SLC35F4: variants seen among roughly 807,000 people sequenced by gnomAD.
The protein encoded by SLC35F4 is solute carrier family 35 member F4.
Under a neutral mutation model 44.2 loss-of-function variants are expected in SLC35F4, and 24 were observed. That is an observed-to-expected ratio of 0.54 (90% CI 0.39 to 0.76). The LOEUF (loss-of-function observed/expected upper bound fraction) is 0.76. SLC35F4 is among the 30% of genes least tolerant of loss of function. The pLI, the probability that SLC35F4 is intolerant of heterozygous loss-of-function variation, is 0.00. For synonymous variants in SLC35F4, 238 were observed against 223.6 expected (o/e 1.06, Z -0.57); for missense variants, 562 against 586.1 (o/e 0.96, Z 0.42).
At chr14:57,766,969 T>A (rs914396625) in intron 1 of SLC35F4, among the ~76,000 whole-genome samples, 2 of 152,172 alleles carry the variant, frequency 1.3e-5, no homozygotes, top group Non-Finnish European at 2.9e-5. Flanking sequence ...TACACTAATA[T>A]CTAATAAAGT....
At chr14:57,630,194 C>G (rs1359046978) in intron 1 of SLC35F4, 7 of 563,148 alleles carry the variant, frequency 1.2e-5, no homozygotes. Context: ...AGATGAAAGC[C>G]AAGGAAGGGA....
At chr14:57,610,428 G>C (rs2071424181) in intron 1 of SLC35F4, among the ~76,000 whole-genome samples, 1 of 152,050 alleles carries the variant, frequency 6.6e-6, no homozygotes, top group African/African-American at 2.4e-5. Flanking sequence ...TGACTGCGCG[G>C]GGTCTGTGAA....
intron 1 of SLC35F4, among the ~76,000 whole-genome samples, chr14:57,656,710 G>C (rs1211688598): frequency 2.0e-5 from 3 of 152,068 alleles, no homozygotes; most frequent in Admixed American, 6.6e-5. Flanking sequence ...CCCATATCAA[G>C]TATACCTATA....
chr14:57,613,644 T>C (rs2071638469), intron 1 of SLC35F4, among the ~76,000 whole-genome samples: 1 of 152,220 alleles, frequency 6.6e-6, no homozygotes, highest in Admixed American at 6.5e-5. Flanking sequence ...AAGCTTCTGA[T>C]ACATAGCTTC....
chr14:57,569,685 C>G, intron 6 of SLC35F4, 103 bp downstream of exon 6: 1 of 1,263,278 alleles, frequency 7.9e-7, no homozygotes, highest in Non-Finnish European at 1.1e-6. Flanking sequence ...AGTTTGGGAA[C>G]TAGAGCACAG....
At chr14:57,978,371 A>G (rs1477880371) in intron 1 of SLC35F4, among the ~76,000 whole-genome samples, 1 of 152,186 alleles carries the variant, frequency 6.6e-6, no homozygotes, top group Non-Finnish European at 1.5e-5. Context: ...CTTCCTGCCC[A>G]CAGTGCCTAT....
intron 1 of SLC35F4, among the ~76,000 whole-genome samples, chr14:57,642,327 C>A (rs1433514491): frequency 1.3e-5 from 2 of 151,860 alleles, no homozygotes; most frequent in Non-Finnish European, 2.9e-5. Flanking sequence ...TCTTTCAGGG[C>A]TGATTTTATA....
At chr14:57,732,944 TAA>T (rs371864128) in intron 1 of SLC35F4, among the ~76,000 whole-genome samples, 15 of 152,196 alleles carry the variant, frequency 9.9e-5, no homozygotes, top group African/African-American at 3.4e-4. Context: ...TAAAAAGTGC[TAA>T]AGTTTTTGAA....
intron 1 of SLC35F4, among the ~76,000 whole-genome samples, chr14:57,880,805 T>C (rs562947299): frequency 6.6e-6 from 1 of 152,298 alleles, no homozygotes; most frequent in South Asian, 2.1e-4. Context: ...AGGTCTTGTA[T>C]TTGTTGGTAC....
rs1348896715 is a variant in SLC35F4 at position 57,688,452 on chromosome 14, G to C, written c.104-94328C>G. Among the ~76,000 whole-genome samples the C allele has an allele frequency of 3.3e-5, 5 of 152,014 alleles. No individual in the cohort carries two copies. The South Asian group carries it at 1.0e-3, about 32-fold the overall frequency. On this transcript the variant is annotated intron_variant, in intron 1 of 7. Transcript: ENST00000556826. ...CATAAGACAGCTTTATAAATTACAG[G>C]GTACGATGGATTATTTTGATGAGAT...
intron 1 of SLC35F4, among the ~76,000 whole-genome samples, chr14:57,927,706 G>C (rs761924317): frequency 6.6e-6 from 1 of 151,870 alleles, no homozygotes; most frequent in Non-Finnish European, 1.5e-5. Flanking sequence ...GGCCAGGCTG[G>C]TCTCGAACTC....
upstream of SLC35F4, among the ~76,000 whole-genome samples, chr14:57,867,589 G>A (rs548809119): frequency 2.8e-3 from 375 of 132,028 alleles, no homozygotes; most frequent in Non-Finnish European, 4.2e-3. Context: ...AAATGAAAGC[G>A]TTATGCCTTT....
intron 1 of SLC35F4, among the ~76,000 whole-genome samples, chr14:57,753,555 T>G (rs1351739310): frequency 6.6e-6 from 1 of 152,102 alleles, no homozygotes; most frequent in Non-Finnish European, 1.5e-5. Context: ...CCTTCACACA[T>G]CTCTAGACCA....
intron 1 of SLC35F4, among the ~76,000 whole-genome samples, chr14:57,610,161 C>T (rs2071409089): frequency 6.6e-6 from 1 of 152,144 alleles, no homozygotes; most frequent in Admixed American, 6.5e-5. Flanking sequence ...ACCTTATGGA[C>T]TACAAAGAGG....
Position 57,823,838 on chromosome 14 carries a change from T to C in SLC35F4, c.103+41885A>G, listed in dbSNP as rs1460929843. On this transcript the variant is annotated intron_variant, in intron 1 of 7. Coordinates refer to ENST00000556826, the MANE Select transcript of SLC35F4 (RefSeq NM_001306087.2). The stretch of plus-strand genomic sequence containing the variant: ...GACTAAATTATATAAAAATTTTAAA[T>C]ATAGACATGGAAAAAATAACAAAAT... Among the ~76,000 whole-genome samples, 3 of 152,204 alleles carry C rather than the reference T, an allele frequency of 2.0e-5. No individual in the cohort carries two copies. The East Asian group carries it at 5.8e-4, about 29-fold the overall frequency.
intron 1 of SLC35F4, among the ~76,000 whole-genome samples, chr14:57,783,351 A>G (rs1178526768): frequency 6.6e-6 from 1 of 152,096 alleles, no homozygotes; most frequent in Non-Finnish European, 1.5e-5. Context: ...AAGAAAAAGG[A>G]TAACTGTCTG....
chr14:57,650,161 C>T (rs59392007), intron 1 of SLC35F4, among the ~76,000 whole-genome samples: 20,054 of 152,022 alleles, frequency 0.13, 1,596 homozygotes, highest in Middle Eastern at 0.23. Context: ...TCTACTCTTC[C>T]TCATTCCTCT....
intron 1 of SLC35F4, among the ~76,000 whole-genome samples, chr14:57,621,923 C>CA (rs1301625888): frequency 1.3e-5 from 2 of 150,582 alleles, no homozygotes; most frequent in Non-Finnish European, 3.0e-5. Context: ...ACTCATCTGA[C>CA]AAAGGGCTAA....
At position 57,777,630 on chromosome 14, in the gene SLC35F4, G is replaced by A. The variant is rs369956974; in HGVS notation, c.103+88093C>T. Among the ~76,000 whole-genome samples, 93 of 152,120 alleles carry A rather than the reference G, an allele frequency of 6.1e-4. 1 individual carries two copies. In the South Asian group the frequency reaches 0.015, roughly 25 times the overall value. ...CATCACAAACAGAGAGGCCTGTCGC[G>A]GGGGTGAGGGGCTGGGGGAGGGATA... On this transcript the variant is annotated intron_variant, in intron 1 of 7. Coordinates refer to ENST00000556826, the MANE Select transcript of SLC35F4 (RefSeq NM_001306087.2).
Sources: allele counts gnomAD v4.1 joint callset (sites outside exome capture counted in the v4.1 genomes callset), GRCh38; gene constraint gnomAD v4.1.1; transcripts MANE v1.5; gene names NCBI Gene and HGNC (gene_info 2026-07-23, HGNC 2026-07-21).